The following PAN3 variants were observed in gnomAD, a reference collection of about 807,000 sequenced individuals.
The protein encoded by PAN3 is PAN2-PAN3 deadenylation complex subunit PAN3.
In PAN3, 19 loss-of-function variants were observed where a neutral mutation model predicts 96.2. The observed-to-expected ratio is 0.20, with a 90% CI of 0.14 to 0.29. PAN3 has a LOEUF of 0.29. Among genes scored for constraint, PAN3 ranks in the 10% least tolerant of loss-of-function variants. PAN3 has a pLI of 1.00. For missense variants in PAN3, 882 were observed against 1,108.1 expected, an observed-to-expected ratio of 0.80 and a Z score of 2.90; for synonymous variants, 433 against 406.6, an observed-to-expected ratio of 1.06 and a Z score of -0.78.
chr13:28,284,261 T>C (rs1868677660), intron 17 of PAN3, among the ~76,000 whole-genome samples: 1 of 152,258 alleles, frequency 6.6e-6, no homozygotes, highest in Admixed American at 6.5e-5. Flanking sequence ...GTCTGTTTTA[T>C]GCTATTGATC....
chr13:28,161,767 C>A (rs1430380001), intron 1 of PAN3, among the ~76,000 whole-genome samples: 1 of 152,194 alleles, frequency 6.6e-6, no homozygotes, highest in Admixed American at 6.5e-5. Flanking sequence ...TGTTTATAGT[C>A]ATTAATTGCT....
At chr13:28,266,932 C>A in intron 10 of PAN3, 56 bp downstream of exon 10, 1 of 1,401,556 alleles carries the variant, frequency 7.1e-7, no homozygotes, top group Non-Finnish European at 9.5e-7. Flanking sequence ...TAAGATTATT[C>A]AAACCTTCTT....
intron 1 of PAN3, among the ~76,000 whole-genome samples, chr13:28,168,369 G>C (rs1873855873): frequency 6.6e-6 from 1 of 152,164 alleles, no homozygotes; most frequent in Non-Finnish European, 1.5e-5. Flanking sequence ...TTTGGTTCCA[G>C]ATTAGGGAAG....
At chr13:28,260,418 T>C (rs373470151) in intron 7 of PAN3, 29 bp from the exon 8 acceptor site, 9 of 1,514,264 alleles carry the variant, frequency 5.9e-6, no homozygotes, top group Non-Finnish European at 7.3e-6. Flanking sequence ...AAATGAGTGA[T>C]TACATTTACC....
intron 17 of PAN3, among the ~76,000 whole-genome samples, chr13:28,283,151 C>T (rs1002643860): frequency 1.3e-5 from 2 of 151,960 alleles, no homozygotes; most frequent in African/African-American, 2.4e-5. Context: ...CAGGATCAAG[C>T]GATTCTCCTG....
intron 1 of PAN3, among the ~76,000 whole-genome samples, chr13:28,158,014 A>G (rs1872435445): frequency 6.6e-6 from 1 of 152,220 alleles, no homozygotes; most frequent in Non-Finnish European, 1.5e-5. Flanking sequence ...AGACCAATAG[A>G]ACAGAATAGA....
chr13:28,270,601 A>T (rs933168729), intron 12 of PAN3, 100 bp from the exon 13 acceptor site: 3 of 1,195,390 alleles, frequency 2.5e-6, no homozygotes, highest in East Asian at 2.4e-5. Flanking sequence ...ATGTTGTGCC[A>T]TGAGTGTACA....
At chr13:28,256,672 A>AAGAAG in intron 7 of PAN3, 133 bp downstream of exon 7, 1 of 964,284 alleles carries the variant, frequency 1.0e-6, no homozygotes, top group Non-Finnish European at 1.5e-6. Flanking sequence ...CTTAGATGAG[A>AAGAAG]AGTCTAGTCT....
chr13:28,247,368 TTCTC>T (rs952847330), intron 6 of PAN3, among the ~76,000 whole-genome samples: 3 of 152,306 alleles, frequency 2.0e-5, no homozygotes, highest in South Asian at 2.1e-4. Flanking sequence ...TGCATATATA[TTCTC>T]TCTTTCTGCA....
intron 5 of PAN3, 118 bp downstream of exon 5, chr13:28,197,464 T>TA (rs953867908): frequency 2.1e-6 from 2 of 974,862 alleles, no homozygotes; most frequent in Admixed American, 6.4e-5. Flanking sequence ...CTTAGGTAAT[T>TA]AAAAAAATTT....
chr13:28,140,552 T>A (rs1869608983), intron 1 of PAN3, among the ~76,000 whole-genome samples: 1 of 152,218 alleles, frequency 6.6e-6, no homozygotes, highest in Non-Finnish European at 1.5e-5. Context: ...TTTTGCTTTC[T>A]TGCTTTTTCT....
intron 1 of PAN3, among the ~76,000 whole-genome samples, chr13:28,147,731 T>G (rs1015356445): frequency 6.6e-6 from 1 of 152,170 alleles, no homozygotes; most frequent in Non-Finnish European, 1.5e-5. Context: ...ACTCATATCA[T>G]TTTTCACATC....
chr13:28,283,928 T>C (rs1868622386), intron 17 of PAN3, among the ~76,000 whole-genome samples: 2 of 152,216 alleles, frequency 1.3e-5, no homozygotes, highest in South Asian at 4.1e-4. Flanking sequence ...GGATGTGTTA[T>C]AGTTTATTCC....
intron 5 of PAN3, among the ~76,000 whole-genome samples, chr13:28,213,368 T>A (rs1047024537): frequency 2.6e-5 from 4 of 152,154 alleles, no homozygotes; most frequent in Non-Finnish European, 4.4e-5. Flanking sequence ...AAAACCACCG[T>A]AGTGATAGCT....
intron 6 of PAN3, among the ~76,000 whole-genome samples, chr13:28,235,259 T>C (rs942833596): frequency 6.6e-6 from 1 of 152,208 alleles, no homozygotes; most frequent in African/African-American, 2.4e-5. Context: ...CCTTTGACAA[T>C]GTAAAGGAAG....
At chr13:28,148,440 G>T (rs540231655) in intron 1 of PAN3, among the ~76,000 whole-genome samples, 1 of 152,182 alleles carries the variant, frequency 6.6e-6, no homozygotes, top group Admixed American at 6.5e-5. Context: ...GTACCACCAT[G>T]CCTGGTTATA....
At chr13:28,190,179 A>G (rs2138189225) in intron 4 of PAN3, among the ~76,000 whole-genome samples, 1 of 152,256 alleles carries the variant, frequency 6.6e-6, no homozygotes, top group Non-Finnish European at 1.5e-5. Flanking sequence ...TCCTGACCTC[A>G]GGTGATCCGC....
chr13:28,155,860 G>T (rs1392638920), intron 1 of PAN3, among the ~76,000 whole-genome samples: 2 of 152,148 alleles, frequency 1.3e-5, no homozygotes, highest in Non-Finnish European at 2.9e-5. Context: ...GATGAGAAAA[G>T]ACACAGATTT....
intron 6 of PAN3, among the ~76,000 whole-genome samples, chr13:28,243,085 A>G (rs1170988233): frequency 4.6e-5 from 7 of 152,192 alleles, no homozygotes; most frequent in Non-Finnish European, 7.3e-5. Flanking sequence ...GCAAACAATG[A>G]TAGCTTTATT....
Sources: gnomAD v4.1 joint callset for allele counts (sites outside exome capture counted in the v4.1 genomes callset) on GRCh38, gnomAD v4.1.1 for gene constraint, MANE v1.5 for transcripts, NCBI Gene and HGNC (gene_info 2026-07-23, HGNC 2026-07-21) for gene names.